Variants in KIAA1217 observed in about 807,000 individuals in gnomAD.
The protein encoded by KIAA1217 is sickle tail protein homolog.
In KIAA1217, 88 loss-of-function variants were observed where a neutral mutation model predicts 163.9. The ratio of observed to expected loss-of-function variants is 0.54; its 90% CI spans 0.45 to 0.64. The LOEUF (loss-of-function observed/expected upper bound fraction) is 0.64. Ranked by LOEUF, KIAA1217 falls within the 30% of genes least tolerant of loss-of-function variation. The probability of loss-of-function intolerance (pLI) is 0.00; values close to 1 mark genes in which losing one functional copy is unlikely to be tolerated. For synonymous variants in KIAA1217, 903 were observed against 923.1 expected, an observed-to-expected ratio of 0.98 and a Z score of 0.39; for missense variants, 2,372 against 2,475.0, an observed-to-expected ratio of 0.96 and a Z score of 0.88.
At position 24,544,286 on chromosome 10, in the gene KIAA1217, C is replaced by T. The variant is rs753127921; in HGVS notation, c.5016C>T (p.Thr1672=). The T allele has an allele frequency of 1.2e-6, 2 of 1,614,052 alleles. No individual in the cohort carries two copies. Among genetic ancestry groups the T allele is most frequent in the South Asian group, 2.2e-5 (2 of 91,074 alleles). ...TYRTLDSLEQ[T]IKQLENTISE... ...GAACATTGGATAGCCTGGAGCAGACCATTAAACAGCTCGAAAATACAATCA... is the reference window on the plus strand; with the variant it reads ...GAACATTGGATAGCCTGGAGCAGACTATTAAACAGCTCGAAAATACAATCA... The change falls in exon 19 of 21, where the codon ACC becomes ACT. Residue 1672 remains threonine, a synonymous_variant. Transcript: ENST00000376454.
chr10:24,194,654 G>A (rs1037256990), intron 2 of KIAA1217, among the ~76,000 whole-genome samples: 1 of 151,492 alleles, frequency 6.6e-6, no homozygotes, highest in African/African-American at 2.4e-5. Context: ...GCTCATTGCA[G>A]CCATGATCTT....
At chr10:24,033,539 A>G (rs1848274656) in intron 2 of KIAA1217, among the ~76,000 whole-genome samples, 1 of 152,228 alleles carries the variant, frequency 6.6e-6, no homozygotes, top group African/African-American at 2.4e-5. Flanking sequence ...CCATCATGAC[A>G]CTTACCTCAA....
At chr10:23,793,195 T>C (rs777886399) in intron 1 of KIAA1217, among the ~76,000 whole-genome samples, 3 of 152,002 alleles carry the variant, frequency 2.0e-5, no homozygotes, top group Admixed American at 2.0e-4. Flanking sequence ...CTTGTCAGGA[T>C]GAGATTTCTA....
At chr10:24,279,501 A>G (rs1246409410) in intron 2 of KIAA1217, among the ~76,000 whole-genome samples, 1 of 152,162 alleles carries the variant, frequency 6.6e-6, no homozygotes, top group Non-Finnish European at 1.5e-5. Flanking sequence ...AATTTTCCCT[A>G]GAAAATGAAG....
At position 23,910,342 on chromosome 10, in the gene KIAA1217, C is replaced by T. The variant is rs993742386; in HGVS notation, c.-320-96883C>T. Among the ~76,000 whole-genome samples the T allele has an allele frequency of 2.0e-5, 3 of 151,860 alleles. No individual in the cohort carries two copies. In the South Asian group the frequency reaches 6.3e-4, roughly 32 times the overall value. On this transcript the variant is annotated intron_variant, in intron 1 of 18. Coordinates refer to the KIAA1217 transcript ENST00000376462. Reference sequence around the variant, plus strand: ...AAAGCTAAGGGAAAAAGTAGATAAGCGATTTCAAAATCTCAAGTAAAATGG... The same window carrying T: ...AAAGCTAAGGGAAAAAGTAGATAAGTGATTTCAAAATCTCAAGTAAAATGG...
chr10:23,938,971 G>A (rs1472842820), intron 1 of KIAA1217, among the ~76,000 whole-genome samples: 1 of 152,116 alleles, frequency 6.6e-6, no homozygotes, highest in African/African-American at 2.4e-5. Flanking sequence ...TAGTGTATTA[G>A]GACATTAAAA....
intron 1 of KIAA1217, among the ~76,000 whole-genome samples, chr10:23,848,554 AACACACATAAAAC>A (rs553144417): frequency 1.1e-4 from 17 of 152,194 alleles, no homozygotes; most frequent in African/African-American, 3.4e-4. Flanking sequence ...AGTCTCCTGC[AACACACATAAAAC>A]ACACACTATC....
intron 1 of KIAA1217, among the ~76,000 whole-genome samples, chr10:23,791,636 A>G (rs535685301): frequency 3.4e-4 from 52 of 152,372 alleles, no homozygotes; most frequent in African/African-American, 1.2e-3. Context: ...AAAATGAAAG[A>G]AAAATTAAAA....
intron 1 of KIAA1217, among the ~76,000 whole-genome samples, chr10:23,750,602 C>T (rs932999044): frequency 2.0e-5 from 3 of 152,302 alleles, no homozygotes; most frequent in African/African-American, 7.2e-5. Context: ...CTGTCTCCAT[C>T]ACTAGACAGA....
chr10:23,712,471 A>G (rs1001623415), intron 1 of KIAA1217, among the ~76,000 whole-genome samples: 5 of 152,006 alleles, frequency 3.3e-5, no homozygotes, highest in African/African-American at 1.2e-4. Context: ...CAGTCAACTC[A>G]GTACAGAAAA....
intron 2 of KIAA1217, among the ~76,000 whole-genome samples, chr10:24,090,988 C>A (rs2061917902): frequency 6.6e-6 from 1 of 151,868 alleles, no homozygotes; most frequent in Non-Finnish European, 1.5e-5. Flanking sequence ...GGTCTCAAAG[C>A]CTTTTCCAAA....
intron 2 of KIAA1217, among the ~76,000 whole-genome samples, chr10:24,048,105 C>A (rs1041538239): frequency 6.6e-6 from 1 of 152,152 alleles, no homozygotes; most frequent in Non-Finnish European, 1.5e-5. Context: ...GATCAGAGGT[C>A]AAGGGTACAG....
At chr10:23,949,637 G>A in intron 1 of KIAA1217, among the ~76,000 whole-genome samples, 1 of 152,018 alleles carries the variant, frequency 6.6e-6, no homozygotes, top group East Asian at 1.9e-4. Flanking sequence ...TTAAAGAAAA[G>A]ACTGCCTGGT....
intron 3 of KIAA1217, among the ~76,000 whole-genome samples, chr10:24,424,468 G>A (rs972496104): frequency 1.3e-5 from 2 of 152,190 alleles, no homozygotes; most frequent in Non-Finnish European, 2.9e-5. Context: ...TTGTACTCCC[G>A]AGTTCCTGGC....
At position 24,513,183 on chromosome 10, in the gene KIAA1217, G is replaced by A. The variant is rs1170510247; in HGVS notation, c.2002-76G>A. The stretch of plus-strand genomic sequence containing the variant: ...CAGGGCTGTCTACCCAAAGTGCTCC[G>A]AAGACTTCAAGGCATTCACTCGCCT... On this transcript the variant is annotated intron_variant, in intron 9 of 20. Transcript: ENST00000376454. The A allele has an allele frequency of 1.0e-5, 15 of 1,440,164 alleles. No homozygotes were observed. The East Asian group carries it at 1.4e-4, about 13-fold the overall frequency. 89.2% of individuals were successfully genotyped at this position (1,440,164 alleles called of 1,614,324 possible).
intron 8 of KIAA1217, among the ~76,000 whole-genome samples, chr10:24,499,290 G>A (rs186951227): frequency 2.4e-4 from 36 of 152,332 alleles, no homozygotes; most frequent in African/African-American, 7.9e-4. Flanking sequence ...GTTTTACTTG[G>A]TACTTTCATA....
chr10:23,981,690 T>C (rs578069989), intron 1 of KIAA1217, among the ~76,000 whole-genome samples: 2 of 152,254 alleles, frequency 1.3e-5, no homozygotes, highest in East Asian at 1.9e-4. Flanking sequence ...CCTTTACACA[T>C]GTCAAGACCA....
chr10:24,174,737 A>G (rs2065788399), intron 2 of KIAA1217, among the ~76,000 whole-genome samples: 1 of 152,172 alleles, frequency 6.6e-6, no homozygotes, highest in Non-Finnish European at 1.5e-5. Flanking sequence ...TCATTTCAAT[A>G]GGTTGTGGGG....
intron 1 of KIAA1217, among the ~76,000 whole-genome samples, chr10:23,867,857 T>C (rs915006892): frequency 1.3e-5 from 2 of 152,214 alleles, no homozygotes; most frequent in Admixed American, 1.3e-4. Flanking sequence ...TTTCATTTAA[T>C]TAGATCCCAT....
Sources: allele counts gnomAD v4.1 joint callset (sites outside exome capture counted in the v4.1 genomes callset), GRCh38; gene constraint gnomAD v4.1.1; transcripts MANE v1.5; gene names NCBI Gene and HGNC (gene_info 2026-07-23, HGNC 2026-07-21).